BNC2: variants seen among roughly 807,000 people sequenced by gnomAD.
The protein encoded by BNC2 is zinc finger protein basonuclin-2.
BNC2 carries 20 observed loss-of-function variants against 76.3 expected under a neutral mutation model. The observed-to-expected ratio is 0.26, with a 90% CI of 0.18 to 0.38. The LOEUF (loss-of-function observed/expected upper bound fraction) is 0.38. Among genes scored for constraint, BNC2 ranks in the 10% least tolerant of loss-of-function variants. The pLI, the probability that BNC2 is intolerant of heterozygous loss-of-function variation, is 1.00. For missense variants in BNC2, 1,382 were observed against 1,399.8 expected, an observed-to-expected ratio of 0.99 and a Z score of 0.20; for synonymous variants, 582 against 514.8, an observed-to-expected ratio of 1.13 and a Z score of -1.77.
At chr9:16,790,461 T>G (rs532937450) in intron 1 of BNC2, among the ~76,000 whole-genome samples, 105 of 152,278 alleles carry the variant, frequency 6.9e-4, no homozygotes, top group African/African-American at 2.3e-3. Context: ...ATTGTTTTAT[T>G]TATTTATAAA....
chr9:16,702,870 A>G (rs1039095798), intron 3 of BNC2, among the ~76,000 whole-genome samples: 1 of 152,272 alleles, frequency 6.6e-6, no homozygotes, highest in African/African-American at 2.4e-5. Context: ...TCACTTATCC[A>G]AAGTCACAAA....
intron 1 of BNC2, among the ~76,000 whole-genome samples, chr9:16,816,657 G>A (rs3936216): frequency 0.45 from 68,604 of 151,980 alleles, 16,726 homozygotes; most frequent in Non-Finnish European, 0.55. Context: ...CACGGCACTT[G>A]TTAAAAAATT....
chr9:16,834,517 A>G lies in BNC2; in HGVS notation c.3+36129T>C, dbSNP rs756279681. Among the ~76,000 whole-genome samples, 138 of 152,326 alleles carry G rather than the reference A, an allele frequency of 9.1e-4. 1 individual carries two copies. Among genetic ancestry groups the G allele is most frequent in the Non-Finnish European group, 1.0e-3 (71 of 68,038 alleles). ...CAGCTGCCTGACCATAGCTAAATCC[A>G]CTACCTTCTCTATGCCCAGTCACTC... On this transcript the variant is annotated intron_variant, in intron 1 of 6. Coordinates refer to ENST00000380672, the MANE Select transcript of BNC2 (RefSeq NM_017637.6).
chr9:16,728,233 C>T (rs962698228), intron 2 of BNC2: 8 of 585,628 alleles, frequency 1.4e-5, no homozygotes, highest in South Asian at 3.9e-5. Flanking sequence ...GGTGTGCAGG[C>T]GGCACTGGAG....
chr9:16,779,173 G>A (rs868034330), intron 1 of BNC2, among the ~76,000 whole-genome samples: 4 of 149,880 alleles, frequency 2.7e-5, no homozygotes, highest in African/African-American at 4.9e-5. Flanking sequence ...GCATGGTGGC[G>A]TGCACCTGTA....
At chr9:16,589,193 T>C (rs1166372684) in intron 3 of BNC2, among the ~76,000 whole-genome samples, 2 of 152,140 alleles carry the variant, frequency 1.3e-5, no homozygotes, top group Non-Finnish European at 2.9e-5. Context: ...AAAAATTTTG[T>C]TGTTTTTTTC....
chr9:16,734,329 G>A lies in BNC2; in HGVS notation c.129+4031C>T, dbSNP rs141732992. Among the ~76,000 whole-genome samples the A allele has an allele frequency of 1.0e-3, 153 of 152,310 alleles. 2 individuals carry two copies. The East Asian group carries it at 0.028, about 28-fold the overall frequency. ...TTATTCTCTTAAAAACCTGGGACATGAATTTGGGTTAACAGCTTATAGATG... is the reference window on the plus strand; with the variant it reads ...TTATTCTCTTAAAAACCTGGGACATAAATTTGGGTTAACAGCTTATAGATG... On this transcript the variant is annotated intron_variant, in intron 2 of 6. Transcript: ENST00000380672.
chr9:16,731,108 C>T (rs1824491873), intron 2 of BNC2, among the ~76,000 whole-genome samples: 1 of 152,130 alleles, frequency 6.6e-6, no homozygotes, highest in Admixed American at 6.6e-5. Context: ...TTTACAGACA[C>T]AGGTACAAAA....
At chr9:16,711,366 G>C (rs375447919) in intron 3 of BNC2, among the ~76,000 whole-genome samples, 21 of 152,202 alleles carry the variant, frequency 1.4e-4, no homozygotes, top group African/African-American at 4.6e-4. Flanking sequence ...TCCATTCCTC[G>C]CTAGTTGCAG....
chr9:16,475,012 T>C (rs1275289642), intron 5 of BNC2, among the ~76,000 whole-genome samples: 2 of 152,172 alleles, frequency 1.3e-5, no homozygotes, highest in Non-Finnish European at 2.9e-5. Flanking sequence ...CATATGAGAT[T>C]GCAGCAAAGG....
rs570583361 is a variant in BNC2, at chr9:16,673,997, T to C, written c.330+53800A>G. On this transcript the variant is annotated intron_variant, in intron 3 of 6. Coordinates refer to ENST00000380672, the MANE Select transcript of BNC2 (RefSeq NM_017637.6). ...CCAACATTTTACATTTAATTTTAGT[T>C]GTTATAGCTTTACTCAAACGTACAA... 9.2e-5 allele frequency among the ~76,000 whole-genome samples: 14 copies of C among 152,376 alleles called. No homozygotes were observed. The South Asian group carries it at 2.9e-3, about 32-fold the overall frequency.
chr9:16,678,343 A>G (rs780127934), intron 3 of BNC2, among the ~76,000 whole-genome samples: 3 of 130,974 alleles, frequency 2.3e-5, no homozygotes, highest in East Asian at 2.2e-4. Context: ...CAGTGGTGCA[A>G]TCTCGGCTCA....
chr9:16,796,103 C>T (rs1817640115), intron 1 of BNC2, among the ~76,000 whole-genome samples: 1 of 152,184 alleles, frequency 6.6e-6, no homozygotes, highest in South Asian at 2.1e-4. Context: ...TTCTACTAAG[C>T]AACACTGTTA....
intron 1 of BNC2, among the ~76,000 whole-genome samples, chr9:16,765,783 T>C (rs1353063208): frequency 9.5e-6 from 1 of 105,412 alleles, no homozygotes; most frequent in Non-Finnish European, 1.8e-5. Context: ...ACTCTCGTAA[T>C]TTTTTTTTTT....
chr9:16,698,482 G>A (rs371420928), intron 3 of BNC2, among the ~76,000 whole-genome samples: 3 of 152,198 alleles, frequency 2.0e-5, no homozygotes, highest in Non-Finnish European at 4.4e-5. Context: ...CCTGAGGTCA[G>A]GAGTTAGAGA....
rs1244052843 is a variant in BNC2 at position 16,419,313 on chromosome 9, G to A, written c.2976C>T (p.Asp992=). The A allele has an allele frequency of 1.9e-6, 3 of 1,613,722 alleles. No homozygotes were observed. Among genetic ancestry groups the A allele is most frequent in the South Asian group, 2.2e-5 (2 of 91,086 alleles). ...AGSDEGILLD[D]IDGASDSGES... ...CCCCACTGTCACTCGCCCCGTCAATGTCATCGAGAAGAATCCCCTCATCGC... is the reference window on the plus strand; with the variant it reads ...CCCCACTGTCACTCGCCCCGTCAATATCATCGAGAAGAATCCCCTCATCGC... Residue 992 remains aspartate, a synonymous_variant, in exon 7 of 7, where the codon GAC becomes GAT. Transcript: ENST00000380672.
chr9:16,654,600 T>G (rs1821876785), intron 3 of BNC2, among the ~76,000 whole-genome samples: 1 of 152,190 alleles, frequency 6.6e-6, no homozygotes, highest in Non-Finnish European at 1.5e-5. Flanking sequence ...TTGTTTTGTC[T>G]GAGTTAATTT....
intron 4 of BNC2, chr9:16,579,675 AAC>A (rs1819578296): frequency 6.5e-6 from 1 of 154,984 alleles, no homozygotes; most frequent in African/African-American, 2.4e-5. Context: ...TCTGTAAGTC[AAC>A]AGAGAGAATG....
At chr9:16,540,127 C>T (rs1818272900) in intron 5 of BNC2, among the ~76,000 whole-genome samples, 1 of 151,002 alleles carries the variant, frequency 6.6e-6, no homozygotes, top group South Asian at 2.1e-4. Context: ...CTGTATCTGA[C>T]CCCCGCAACC....
Sources: allele counts gnomAD v4.1 joint callset (sites outside exome capture counted in the v4.1 genomes callset), GRCh38; gene constraint gnomAD v4.1.1; transcripts MANE v1.5; gene names NCBI Gene and HGNC (gene_info 2026-07-23, HGNC 2026-07-21).